The following BACH1 variants were observed in gnomAD, a reference collection of about 807,000 sequenced individuals.
BACH1 encodes BTB domain and CNC homolog 1.
A neutral mutation model predicts 52.9 loss-of-function variants in BACH1; 35 were observed. The ratio of observed to expected loss-of-function variants is 0.66; its 90% CI spans 0.51 to 0.88. BACH1 has a LOEUF of 0.88. BACH1 is among the 40% of genes least tolerant of loss of function. The probability of loss-of-function intolerance (pLI) is 0.00; values close to 1 mark genes in which losing one functional copy is unlikely to be tolerated. For synonymous variants in BACH1, 321 were observed against 319.6 expected (o/e 1.00, Z -0.05); for missense variants, 808 against 872.6 (o/e 0.93, Z 0.93).
At chr21:29,304,514 C>T (rs2088634461) in intron 1 of BACH1, among the ~76,000 whole-genome samples, 1 of 152,108 alleles carries the variant, frequency 6.6e-6, no homozygotes, top group African/African-American at 2.4e-5. Flanking sequence ...TGGACAGTTG[C>T]ACTCTACTTC....
intron 4 of BACH1, among the ~76,000 whole-genome samples, chr21:29,342,185 G>C (rs112805982): frequency 6.6e-6 from 1 of 152,176 alleles, no homozygotes; most frequent in African/African-American, 2.4e-5. Context: ...TCCAAAACCT[G>C]AAAAATGCTT....
intron 4 of BACH1, among the ~76,000 whole-genome samples, chr21:29,334,465 T>G (rs995406983): frequency 2.6e-5 from 4 of 152,230 alleles, no homozygotes; most frequent in Non-Finnish European, 5.9e-5. Flanking sequence ...CTTATGAAGC[T>G]CTTGTCTATG....
At chr21:29,306,208 G>GTGTGTGTA (rs2088655737) in intron 1 of BACH1, among the ~76,000 whole-genome samples, 1 of 141,162 alleles carries the variant, frequency 7.1e-6, no homozygotes, top group Non-Finnish European at 1.5e-5. Context: ...GTGTGTGTGT[G>GTGTGTGTA]TGTATTTAAA....
At chr21:29,312,105 C>T (rs964692712) in intron 1 of BACH1, among the ~76,000 whole-genome samples, 2 of 152,226 alleles carry the variant, frequency 1.3e-5, no homozygotes, top group African/African-American at 2.4e-5. Flanking sequence ...ACTCTGTCCT[C>T]ATCTTCAGCC....
Position 29,342,530 on chromosome 21 carries a change from G to A in BACH1, c.1908G>A (p.Gln636=), listed in dbSNP as rs769544895. ...KEAALSQEQI[Q]ILAKYSAADC... ...CAGCTCTGAGTCAAGAACAAATACAGATACTCGCCAAGTACTCAGCTGCAG... is the reference window on the plus strand; with the variant it reads ...CAGCTCTGAGTCAAGAACAAATACAAATACTCGCCAAGTACTCAGCTGCAG... The change falls in exon 5 of 5, where the codon CAG becomes CAA. Residue 636 remains glutamine (Q), a synonymous_variant. Transcript: ENST00000286800. 3 of 1,614,204 alleles carry A rather than the reference G, an allele frequency of 1.9e-6. No individual in the cohort carries two copies. The South Asian group carries it at 3.3e-5, about 18-fold the overall frequency.
intron 1 of BACH1, among the ~76,000 whole-genome samples, chr21:29,311,621 G>A (rs2088723633): frequency 6.6e-6 from 1 of 152,192 alleles, no homozygotes; most frequent in South Asian, 2.1e-4. Context: ...TACTGTGGGT[G>A]ATGATTTCGT....
intron 2 of BACH1, 133 bp downstream of exon 2, chr21:29,321,647 T>G (rs889725464): frequency 2.4e-6 from 1 of 419,684 alleles, no homozygotes; most frequent in Non-Finnish European, 3.8e-6. Flanking sequence ...TGCAACCCCT[T>G]TTTTTTTTTT....
chr21:29,327,378 A>G lies in BACH1; in HGVS notation c.1554A>G (p.Arg518=). The change falls in exon 3 of 5, where the codon AGA becomes AGG. Residue 518 remains arginine, a synonymous_variant. Transcript: ENST00000286800. ...GAGACAGTGAATCCTGTTCAGCCAG[A>G]GAACAAGAATGTGAGGTGAGCAGGA... ...TEGDSESCSA[R]EQECEVKLPF... 1 of 1,612,664 alleles carries G rather than the reference A, an allele frequency of 6.2e-7. No individual in the cohort carries two copies.
intron 4 of BACH1, among the ~76,000 whole-genome samples, chr21:29,330,401 C>T (rs555146751): frequency 2.0e-5 from 3 of 151,972 alleles, no homozygotes; most frequent in South Asian, 2.1e-4. Flanking sequence ...AGGATGGTCT[C>T]GATCTCCTGA....
chr21:29,310,124 A>G (rs1360264093), intron 1 of BACH1, among the ~76,000 whole-genome samples: 1 of 152,212 alleles, frequency 6.6e-6, no homozygotes, highest in Non-Finnish European at 1.5e-5. Context: ...CCATCAACTT[A>G]TCATGTAGTG....
intron 2 of BACH1, among the ~76,000 whole-genome samples, chr21:29,358,779 A>AAAGG: frequency 1.2e-5 from 1 of 84,136 alleles, no homozygotes; most frequent in African/African-American, 3.7e-5. Context: ...GAAAAGAAAG[A>AAAGG]AAGAAAGAAA....
downstream of BACH1, among the ~76,000 whole-genome samples, chr21:29,350,995 A>C (rs1459776369): frequency 6.6e-6 from 1 of 152,178 alleles, no homozygotes; most frequent in Non-Finnish European, 1.5e-5. Flanking sequence ...AACTGCAAAC[A>C]CTTCTTTTTC....
Position 29,342,702 on chromosome 21 carries a change from C to G in BACH1, c.2080C>G (p.Arg694Gly), listed in dbSNP as rs544008928. Residue 694 changes from arginine to glycine, a missense_variant, in exon 5 of 5, where the codon CGA (arginine) becomes GGA (glycine). Physicochemically the swap from Arg to Gly is moderately radical, Grantham distance 125. Coordinates refer to ENST00000286800, the MANE Select transcript of BACH1 (RefSeq NM_001186.4). ...ARGNSEPGYA[R>G]GQESQQMSTA... is the part of the protein sequence containing the mutation. The stretch of plus-strand genomic sequence containing the variant: ...AGGAAACAGTGAGCCTGGCTACGCG[C>G]GAGGGCAGGAGTCCCAGCAGATGTC... The G allele has an allele frequency of 1.2e-6, 2 of 1,614,198 alleles. No homozygotes were observed. The highest frequency in any genetic ancestry group is 2.2e-5 in the South Asian group (2 of 91,088).
At position 29,329,524 on chromosome 21, in the gene BACH1, T is replaced by C. The variant is rs775077415; in HGVS notation, c.1607T>C (p.Leu536Pro). The change falls in exon 4 of 5, where the codon CTG (leucine) becomes CCG (proline). Residue 536 changes from leucine to proline, a missense_variant. Leu to Pro is a moderately conservative substitution (Grantham distance 98, BLOSUM62 -3). Coordinates refer to ENST00000286800, the MANE Select transcript of BACH1 (RefSeq NM_001186.4). ...LPFNAQRIIS[L>P]SRNDFQSLLK... ...TTCAATGCACAACGGATAATTTCAC[T>C]GTCTCGAAATGATTTTCAGTCCTTG... The C allele has an allele frequency of 4.4e-6, 7 of 1,597,494 alleles. No homozygotes were observed. The highest frequency in any genetic ancestry group is 6.0e-6 in the Non-Finnish European group (7 of 1,173,644).
At chr21:29,353,455 T>C (rs931561557) in intron 2 of BACH1, among the ~76,000 whole-genome samples, 2 of 152,134 alleles carry the variant, frequency 1.3e-5, no homozygotes, top group African/African-American at 4.8e-5. Flanking sequence ...AACCCCCTTC[T>C]TTTCTTAGTA....
chr21:29,300,369 C>A (rs569315627), intron 1 of BACH1, among the ~76,000 whole-genome samples: 1 of 152,290 alleles, frequency 6.6e-6, no homozygotes, highest in South Asian at 2.1e-4. Flanking sequence ...GGTGCAAATA[C>A]TCTCATCACA....
chr21:29,342,160 C>T (rs1231386942), intron 4 of BACH1, among the ~76,000 whole-genome samples: 1 of 152,192 alleles, frequency 6.6e-6, no homozygotes, highest in Non-Finnish European at 1.5e-5. Context: ...ATTATGTGTG[C>T]ACCCATACTG....
At chr21:29,316,605 C>T (rs193277561) in intron 1 of BACH1, among the ~76,000 whole-genome samples, 7 of 152,286 alleles carry the variant, frequency 4.6e-5, no homozygotes, top group African/African-American at 1.7e-4. Context: ...AGGTGCCGTT[C>T]TTGTCTGATG....
At chr21:29,347,926 A>C (rs987557532), downstream of BACH1, among the ~76,000 whole-genome samples, 4 of 152,230 alleles carry the variant, frequency 2.6e-5, no homozygotes, top group South Asian at 8.3e-4. Context: ...AATGCTAGCA[A>C]CATAATGATA....
Sources: allele counts gnomAD v4.1 joint callset (sites outside exome capture counted in the v4.1 genomes callset), GRCh38; gene constraint gnomAD v4.1.1; transcripts MANE v1.5; gene names NCBI Gene and HGNC (gene_info 2026-07-23, HGNC 2026-07-21).